The following DIP2C variants were observed in gnomAD, a reference collection of about 807,000 sequenced individuals.
DIP2C encodes the protein disco-interacting protein 2 homolog C.
Under a neutral mutation model 192.4 loss-of-function variants are expected in DIP2C, and 33 were observed. That is an observed-to-expected ratio of 0.17 (90% CI 0.13 to 0.23). DIP2C has a LOEUF of 0.23. DIP2C is among the 10% of genes least tolerant of loss of function. The pLI is 1.00. For synonymous variants in DIP2C, 979 were observed against 864.1 expected (o/e 1.13, Z -2.33); for missense variants, 1,537 against 2,110.1 (o/e 0.73, Z 5.32).
At chr10:417,036 C>T (rs955663338) in intron 6 of DIP2C, among the ~76,000 whole-genome samples, 5 of 152,210 alleles carry the variant, frequency 3.3e-5, no homozygotes, top group Non-Finnish European at 7.3e-5. Context: ...AGAATTGAGA[C>T]ATTAAATATT....
Position 366,262 on chromosome 10 carries a change from C to G in DIP2C, c.2268+13G>C, listed in dbSNP as rs1171949846. ...CACAGATGGTGCCCATGGTAAGACTCTCCTCCACCTACCTCAAAGGTGTTC... is the reference window on the plus strand; with the variant it reads ...CACAGATGGTGCCCATGGTAAGACTGTCCTCCACCTACCTCAAAGGTGTTC... On this transcript the variant is annotated intron_variant, in intron 19 of 36. Transcript: ENST00000280886. 1 of 1,611,526 alleles carries G rather than the reference C, an allele frequency of 6.2e-7. No individual in the cohort carries two copies. The highest frequency in any genetic ancestry group is 1.1e-5 in the South Asian group (1 of 90,266).
chr10:671,989 CAG>C (rs1830668709), intron 1 of DIP2C, among the ~76,000 whole-genome samples: 1 of 131,660 alleles, frequency 7.6e-6, no homozygotes, highest in Admixed American at 7.8e-5. Flanking sequence ...AAGGAGGAAA[CAG>C]GCCATAGACG....
intron 1 of DIP2C, among the ~76,000 whole-genome samples, chr10:488,723 C>A (rs564549637): frequency 6.6e-6 from 1 of 152,336 alleles, no homozygotes; most frequent in East Asian, 1.9e-4. Context: ...CCTCTGGGTA[C>A]CCACGGCATA....
chr10:318,962 G>C (rs1242824468), intron 31 of DIP2C, among the ~76,000 whole-genome samples: 1 of 150,310 alleles, frequency 6.7e-6, no homozygotes, highest in East Asian at 2.0e-4. Flanking sequence ...ACCCAGACTA[G>C]AGTACAGTGG....
intron 10 of DIP2C, among the ~76,000 whole-genome samples, chr10:398,666 T>C (rs553547971): frequency 6.6e-6 from 1 of 152,284 alleles, no homozygotes; most frequent in East Asian, 1.9e-4. Context: ...TACATTGGAT[T>C]AAACAATAAT....
At chr10:445,927 TCA>T (rs1968152418) in intron 3 of DIP2C, among the ~76,000 whole-genome samples, 1 of 151,934 alleles carries the variant, frequency 6.6e-6, no homozygotes, top group Non-Finnish European at 1.5e-5. Flanking sequence ...TTGTGAAGTC[TCA>T]CAGGCCCACT....
chr10:418,891 T>G (rs1376454524), intron 6 of DIP2C, among the ~76,000 whole-genome samples, 174 bp downstream of exon 6: 1 of 152,216 alleles, frequency 6.6e-6, no homozygotes, highest in African/African-American at 2.4e-5. Context: ...TTGGAGAATA[T>G]TTGCATTTTT....
At chr10:382,068 G>A (rs1307630547) in intron 17 of DIP2C, among the ~76,000 whole-genome samples, 1 of 152,204 alleles carries the variant, frequency 6.6e-6, no homozygotes, top group Non-Finnish European at 1.5e-5. Context: ...TCAAGTGTGT[G>A]CGTATCACAC....
At chr10:487,421 G>A (rs185692150) in intron 1 of DIP2C, among the ~76,000 whole-genome samples, 6 of 152,218 alleles carry the variant, frequency 3.9e-5, no homozygotes, top group African/African-American at 1.4e-4. Context: ...GGCAGTCTCG[G>A]ATGCTGCCTC....
chr10:294,137 G>A (rs536672256), intron 32 of DIP2C, among the ~76,000 whole-genome samples: 7 of 152,170 alleles, frequency 4.6e-5, no homozygotes, highest in Non-Finnish European at 8.8e-5. Context: ...AGAGCTCTGT[G>A]TTTTCTTCCC....
rs181799988 is a variant in DIP2C, at chr10:286,234, C to T, written c.4119+39G>A. ...GTCAAGGCAAGCCAAGGATACATAA[C>T]AGAAAAGTAACCTGGATCTCGGAGG... is the stretch of plus-strand genomic sequence containing the variant. On this transcript the variant is annotated intron_variant, in intron 34 of 36. Transcript: ENST00000280886. The T allele has an allele frequency of 1.3e-5, 21 of 1,605,916 alleles. No homozygotes were observed. In the East Asian group the frequency reaches 2.9e-4, roughly 22 times the overall value.
At chr10:308,492 A>G (rs1194346458) in intron 32 of DIP2C, among the ~76,000 whole-genome samples, 1 of 149,592 alleles carries the variant, frequency 6.7e-6, no homozygotes, top group Non-Finnish European at 1.5e-5. Flanking sequence ...AGGAAGTTAT[A>G]TAATTATGAG....
At chr10:417,590 T>C (rs965743292) in intron 6 of DIP2C, among the ~76,000 whole-genome samples, 52 of 151,284 alleles carry the variant, frequency 3.4e-4, no homozygotes, top group Non-Finnish European at 5.8e-4. Flanking sequence ...GTGCGCCTGT[T>C]GGAGCTAGGA....
intron 34 of DIP2C, 99 bp downstream of exon 34, chr10:286,174 T>C: frequency 9.1e-7 from 1 of 1,100,164 alleles, no homozygotes; most frequent in Non-Finnish European, 1.4e-6. Flanking sequence ...AACCGGTGTG[T>C]GGCAGATGGA....
Position 373,731 on chromosome 10 carries a change from C to T in DIP2C, c.1992-4098G>A, listed in dbSNP as rs199716696. ...TGCTGGCTCCTTGCTCTCCCAGGGT[C>T]GATTGTATCCTGAGTTAAAAGAACC... On this transcript the variant is annotated intron_variant, in intron 17 of 36. Coordinates refer to ENST00000280886, the MANE Select transcript of DIP2C (RefSeq NM_014974.3). Among the ~76,000 whole-genome samples, 13 of 152,192 alleles carry T rather than the reference C, an allele frequency of 8.5e-5. No homozygotes were observed. In the East Asian group the frequency reaches 1.5e-3, roughly 18 times the overall value.
chr10:650,737 A>G (rs1286638230), intron 1 of DIP2C: 2 of 639,930 alleles, frequency 3.1e-6, no homozygotes, highest in Non-Finnish European at 5.8e-6. Flanking sequence ...ACCCCCCCTC[A>G]TGCTCACTTC....
intron 4 of DIP2C, among the ~76,000 whole-genome samples, chr10:440,654 T>G (rs1204061954): frequency 6.6e-6 from 1 of 152,216 alleles, no homozygotes; most frequent in Non-Finnish European, 1.5e-5. Flanking sequence ...GTATGAGTCT[T>G]GATGAAAAGT....
intron 22 of DIP2C, among the ~76,000 whole-genome samples, chr10:359,255 G>C (rs954171462): frequency 1.3e-5 from 2 of 152,240 alleles, no homozygotes; most frequent in African/African-American, 4.8e-5. Flanking sequence ...CCCCCAGGGA[G>C]AGCAGGGCCA....
chr10:372,165 T>C (rs947557919), intron 17 of DIP2C, among the ~76,000 whole-genome samples: 2 of 148,720 alleles, frequency 1.3e-5, no homozygotes, highest in Non-Finnish European at 3.0e-5. Flanking sequence ...AACCTCTGCC[T>C]CCCGGATTCA....
Sources: gnomAD v4.1 joint callset for allele counts (sites outside exome capture counted in the v4.1 genomes callset) on GRCh38, gnomAD v4.1.1 for gene constraint, MANE v1.5 for transcripts, NCBI Gene and HGNC (gene_info 2026-07-23, HGNC 2026-07-21) for gene names.